The following WDR41 variants were observed in gnomAD, a reference collection of about 807,000 sequenced individuals.
WDR41 encodes WD repeat domain 41, also known as WD repeat-containing protein 41.
A neutral mutation model predicts 69.3 loss-of-function variants in WDR41; 63 were observed. That is an observed-to-expected ratio of 0.91 (90% CI 0.74 to 1.12). The LOEUF (loss-of-function observed/expected upper bound fraction) is 1.12, where lower values mean the gene tolerates loss of function less well. Among genes scored for constraint, WDR41 ranks in the 50% most tolerant of loss-of-function variants. The pLI is 0.00. For synonymous variants in WDR41, 185 were observed against 192.1 expected (o/e 0.96, Z 0.31); for missense variants, 543 against 534.5 (o/e 1.02, Z -0.16).
chr5:77,477,051 C>T (rs1367220260), intron 2 of WDR41, among the ~76,000 whole-genome samples: 3 of 148,408 alleles, frequency 2.0e-5, no homozygotes. Context: ...AGACTTTAAA[C>T]CAACAAAGAT....
chr5:77,612,515 G>A (rs952434173), intron 1 of WDR41, among the ~76,000 whole-genome samples: 1 of 152,038 alleles, frequency 6.6e-6, no homozygotes, highest in African/African-American at 2.4e-5. Context: ...ATGTAATCCA[G>A]CATATAAACA....
intron 2 of WDR41, among the ~76,000 whole-genome samples, chr5:77,477,109 A>G (rs1340021025): frequency 6.7e-6 from 1 of 148,338 alleles, no homozygotes; most frequent in Non-Finnish European, 1.5e-5. Context: ...GGATCAATTC[A>G]ACAAGAAGAG....
At chr5:77,566,688 T>C (rs188573899) in intron 1 of WDR41, among the ~76,000 whole-genome samples, 166 of 152,280 alleles carry the variant, frequency 1.1e-3, no homozygotes, top group African/African-American at 3.8e-3. Context: ...AATATGCTTT[T>C]GAAAGTAGAG....
chr5:77,541,935 A>G (rs1743096190), intron 1 of WDR41, among the ~76,000 whole-genome samples: 1 of 152,206 alleles, frequency 6.6e-6, no homozygotes, highest in South Asian at 2.1e-4. Context: ...TACCCAATGG[A>G]ATATAAATTA....
intron 1 of WDR41, among the ~76,000 whole-genome samples, chr5:77,584,677 C>G (rs1274695836): frequency 1.3e-5 from 2 of 152,092 alleles, no homozygotes; most frequent in Non-Finnish European, 2.9e-5. Flanking sequence ...CAAATACTTA[C>G]AGACAACTGA....
At chr5:77,463,773 G>A (rs1421185453) in intron 3 of WDR41, among the ~76,000 whole-genome samples, 2 of 152,094 alleles carry the variant, frequency 1.3e-5, no homozygotes, top group Non-Finnish European at 2.9e-5. Context: ...ATCAGTCTCT[G>A]ACTAATTTAC....
At chr5:77,454,552 A>C (rs2151309799) in intron 5 of WDR41, among the ~76,000 whole-genome samples, 1 of 152,380 alleles carries the variant, frequency 6.6e-6, no homozygotes, top group East Asian at 1.9e-4. Flanking sequence ...GTATCTTTAG[A>C]ATAAATAATG....
At chr5:77,553,995 T>C (rs530686266) in intron 1 of WDR41, among the ~76,000 whole-genome samples, 1 of 152,302 alleles carries the variant, frequency 6.6e-6, no homozygotes, top group Admixed American at 6.5e-5. Flanking sequence ...TAATTAATGG[T>C]TATAGCAGCT....
At chr5:77,611,067 A>C (rs1224420435) in intron 1 of WDR41, among the ~76,000 whole-genome samples, 3 of 152,262 alleles carry the variant, frequency 2.0e-5, no homozygotes, top group Non-Finnish European at 4.4e-5. Context: ...CAAGGCCATT[A>C]TATAATGGTA....
intron 2 of WDR41, among the ~76,000 whole-genome samples, chr5:77,469,910 T>C (rs951320372): frequency 6.6e-6 from 1 of 151,874 alleles, no homozygotes; most frequent in African/African-American, 2.4e-5. Flanking sequence ...AACATTCAGA[T>C]TCAGGAAATA....
chr5:77,600,929 A>ATGTG (rs71608111), intron 1 of WDR41, among the ~76,000 whole-genome samples: 4,411 of 144,146 alleles, frequency 0.031, 103 homozygotes, highest in African/African-American at 0.073. Flanking sequence ...CTCTGTGTGT[A>ATGTG]TGTGTGTGTG....
At chr5:77,619,796 G>T (rs1744742749) in intron 1 of WDR41, among the ~76,000 whole-genome samples, 1 of 152,080 alleles carries the variant, frequency 6.6e-6, no homozygotes, top group South Asian at 2.1e-4. Context: ...GGAAAGCCAG[G>T]AAACAGAGGT....
At position 77,432,251 on chromosome 5, in the gene WDR41, TAATA is replaced by T. The variant is rs1417925231; in HGVS notation, c.*880_*883del. 6.6e-6 allele frequency: 1 copy of T among 152,252 alleles called. No homozygotes were observed. Among genetic ancestry groups the T allele is most frequent in the East Asian group, 1.9e-4 (1 of 5,206 alleles). The allele number at this position is 152,252 out of a possible 1,614,324, so 9.4% of individuals were successfully genotyped here. ...AATCTTTAATGTGTAGACTACTTTC[TAATA>T]TTTTCATTTTTTAGCACCAAAAGGA... On this transcript the variant is annotated 3_prime_UTR_variant, in exon 13 of 13. Transcript: ENST00000296679.
chr5:77,516,029 A>G (rs1802286882), intron 1 of WDR41, among the ~76,000 whole-genome samples: 1 of 152,190 alleles, frequency 6.6e-6, no homozygotes, highest in African/African-American at 2.4e-5. Context: ...TTTACCAGAA[A>G]CAGAATTTCT....
intron 1 of WDR41, among the ~76,000 whole-genome samples, chr5:77,511,314 G>T (rs1484752880): frequency 6.6e-6 from 1 of 152,122 alleles, no homozygotes; most frequent in Non-Finnish European, 1.5e-5. Context: ...GAATTGTTCT[G>T]CTAAGGATTG....
intron 10 of WDR41, 35 bp from the exon 11 acceptor site, chr5:77,437,459 C>T (rs575563940): frequency 6.6e-5 from 103 of 1,569,292 alleles, no homozygotes; most frequent in African/African-American, 2.2e-4. Context: ...ACAAAAAGAG[C>T]GCACCACTGA....
chr5:77,508,572 T>C (rs1171253211), intron 1 of WDR41, among the ~76,000 whole-genome samples: 1 of 152,232 alleles, frequency 6.6e-6, no homozygotes, highest in East Asian at 1.9e-4. Context: ...ATCTGGACCC[T>C]CTCACTGGCA....
At position 77,489,514 on chromosome 5, in the gene WDR41, A is replaced by C; in HGVS notation, c.110T>G (p.Leu37Arg). ...EQTQNPYTEL[L>R]VLKAHHDIVR... ...AATATCATGATGAGCCTTCAGTACTAGCAGTTCAGTGTAGGGATTCTGGGT... is the reference window on the plus strand; with the variant it reads ...AATATCATGATGAGCCTTCAGTACTCGCAGTTCAGTGTAGGGATTCTGGGT... The change falls in exon 2 of 13, where the codon CTA becomes CGA. Residue 37 changes from leucine to arginine, a missense_variant. Leu to Arg is a moderately radical substitution (Grantham distance 102, BLOSUM62 -2). Coordinates refer to ENST00000296679, the MANE Select transcript of WDR41 (RefSeq NM_018268.4). 1 of 1,611,586 alleles carries C rather than the reference A, an allele frequency of 6.2e-7. No individual in the cohort carries two copies. Among genetic ancestry groups the C allele is most frequent in the Non-Finnish European group, 8.5e-7 (1 of 1,179,024 alleles).
chr5:77,487,053 C>T (rs1444905372), intron 2 of WDR41, among the ~76,000 whole-genome samples: 1 of 152,182 alleles, frequency 6.6e-6, no homozygotes, highest in Non-Finnish European at 1.5e-5. Context: ...AGGCTGGCCT[C>T]TTCTACAGAG....
Sources: gnomAD v4.1 joint callset for allele counts (sites outside exome capture counted in the v4.1 genomes callset) on GRCh38, gnomAD v4.1.1 for gene constraint, MANE v1.5 for transcripts, NCBI Gene and HGNC (gene_info 2026-07-23, HGNC 2026-07-21) for gene names.